AFG2A: variants seen among roughly 807,000 people sequenced by gnomAD.
AFG2A encodes the protein AAA ATPase AFG2A, also known as ATPase family gene 2 protein homolog A.
At chr4:123,094,581 A>G in the AFG2A span, among the ~76,000 whole-genome samples, 1 of 152,056 alleles carries the variant, frequency 6.6e-6, no homozygotes, top group Non-Finnish European at 1.5e-5. Flanking sequence ...CTCTAAGGCA[A>G]AACACTCTAG....
chr4:122,992,220 A>G, the AFG2A span, among the ~76,000 whole-genome samples: 1 of 152,186 alleles, frequency 6.6e-6, no homozygotes, highest in African/African-American at 2.4e-5. Flanking sequence ...GCTCTAATGA[A>G]AGATTTTTTT....
the AFG2A span, among the ~76,000 whole-genome samples, chr4:123,162,554 A>G: frequency 6.6e-6 from 1 of 152,216 alleles, no homozygotes; most frequent in Non-Finnish European, 1.5e-5. Flanking sequence ...ACTTATGTCT[A>G]TAAAATTTAC....
At chr4:123,255,715 C>CTTTTTT in the AFG2A span, among the ~76,000 whole-genome samples, 24 of 103,908 alleles carry the variant, frequency 2.3e-4, 2 homozygotes, top group South Asian at 3.1e-4. Flanking sequence ...TACTGCTTTT[C>CTTTTTT]TATTTTTTTT....
At chr4:123,297,714 A>G in the AFG2A span, among the ~76,000 whole-genome samples, 6 of 90,602 alleles carry the variant, frequency 6.6e-5, no homozygotes, top group East Asian at 5.1e-4. Context: ...GTGAGACTCC[A>G]TCTCAAAAAA....
At chr4:123,268,311 TA>T in the AFG2A span, among the ~76,000 whole-genome samples, 2 of 151,674 alleles carry the variant, frequency 1.3e-5, no homozygotes, top group African/African-American at 4.8e-5. Flanking sequence ...CAGGTAGAAA[TA>T]AAAAATAAAT....
chr4:123,211,738 C>G, the AFG2A span, among the ~76,000 whole-genome samples: 79,361 of 151,892 alleles, frequency 0.52, 25,059 homozygotes, highest in Non-Finnish European at 0.68. Context: ...AATCCCATTA[C>G]CTTACATCAC....
the AFG2A span, among the ~76,000 whole-genome samples, chr4:123,098,556 T>C: frequency 6.6e-6 from 1 of 152,054 alleles, no homozygotes; most frequent in African/African-American, 2.4e-5. Flanking sequence ...ACCACCATTC[T>C]ACTTTCTGCT....
At chr4:122,964,322 G>A in the AFG2A span, among the ~76,000 whole-genome samples, 1 of 151,868 alleles carries the variant, frequency 6.6e-6, no homozygotes, top group Admixed American at 6.6e-5. Context: ...TGGCCAACAT[G>A]GTGAAACCCC....
At chr4:123,185,897 AAAAAG>A in the AFG2A span, among the ~76,000 whole-genome samples, 4 of 152,028 alleles carry the variant, frequency 2.6e-5, no homozygotes, top group East Asian at 1.9e-4. Context: ...TCTAAAAAAA[AAAAAG>A]AAAGAAAGAA....
At chr4:122,940,425 G>T in the AFG2A span, among the ~76,000 whole-genome samples, 1 of 152,204 alleles carries the variant, frequency 6.6e-6, no homozygotes, top group Admixed American at 6.5e-5. Context: ...CTGCATAAAT[G>T]TCTTCTTCTG....
chr4:123,180,408 T>C, the AFG2A span, among the ~76,000 whole-genome samples: 1 of 152,198 alleles, frequency 6.6e-6, no homozygotes, highest in African/African-American at 2.4e-5. Flanking sequence ...GTTGACACTG[T>C]AGTGGGAAGT....
chr4:123,275,856 T>C, the AFG2A span, among the ~76,000 whole-genome samples: 4 of 152,350 alleles, frequency 2.6e-5, no homozygotes, highest in African/African-American at 9.6e-5. Context: ...TATTCCATGG[T>C]ATATATGTAC....
the AFG2A span, among the ~76,000 whole-genome samples, chr4:123,309,807 A>G: frequency 6.6e-6 from 1 of 152,196 alleles, no homozygotes; most frequent in African/African-American, 2.4e-5. Context: ...AATCTGTAAC[A>G]TGTCTGGTCC....
chr4:123,037,651 A>G, the AFG2A span, among the ~76,000 whole-genome samples: 226 of 152,214 alleles, frequency 1.5e-3, no homozygotes, highest in Admixed American at 5.7e-3. Flanking sequence ...AAATTAGCCT[A>G]TGCTACTATC....
the AFG2A span, among the ~76,000 whole-genome samples, chr4:123,142,322 T>A: frequency 1.3e-5 from 2 of 152,160 alleles, no homozygotes; most frequent in Admixed American, 1.3e-4. Flanking sequence ...CTATCATAGA[T>A]GTAAAGTCTT....
At chr4:122,935,870 CTTACTA>C in the AFG2A span, 15 of 1,563,406 alleles carry the variant, frequency 9.6e-6, no homozygotes, top group Admixed American at 3.8e-5. Context: ...ATAGAGTAAA[CTTACTA>C]TTAAATATAT....
chr4:123,015,768 G>A, the AFG2A span, among the ~76,000 whole-genome samples: 4 of 148,642 alleles, frequency 2.7e-5, no homozygotes, highest in African/African-American at 9.9e-5. Context: ...CGGCCGGGCA[G>A]AGGTGCCCCT....
the AFG2A span, among the ~76,000 whole-genome samples, chr4:122,923,970 G>C: frequency 6.6e-6 from 1 of 152,078 alleles, no homozygotes; most frequent in African/African-American, 2.4e-5. Context: ...CTTTGATTTG[G>C]GAGAACGTAT....
the AFG2A span, among the ~76,000 whole-genome samples, chr4:123,062,384 G>A: frequency 6.6e-6 from 1 of 152,024 alleles, no homozygotes; most frequent in African/African-American, 2.4e-5. Context: ...GCAGTACTTT[G>A]ATTTTGTTTT....
Sources: gnomAD v4.1 joint callset for allele counts (sites outside exome capture counted in the v4.1 genomes callset) on GRCh38, gnomAD v4.1.1 for gene constraint, MANE v1.5 for transcripts, NCBI Gene and HGNC (gene_info 2026-07-23, HGNC 2026-07-21) for gene names.